OR2L3: variants seen among roughly 807,000 people sequenced by gnomAD.
OR2L3 encodes olfactory receptor family 2 subfamily L member 3, also known as olfactory receptor 2L3.
For missense variants in OR2L3, 369 were observed against 376.6 expected (o/e 0.98, Z 0.17); for synonymous variants, 131 against 139.1 (o/e 0.94, Z 0.41).
intron 1 of OR2L3, among the ~76,000 whole-genome samples, chr1:248,058,165 G>A (rs1275049157): frequency 1.3e-5 from 2 of 152,104 alleles, no homozygotes; most frequent in Non-Finnish European, 1.5e-5. Context: ...CATAGACATG[G>A]TCTCAGCAGA....
At chr1:248,059,891 T>A (rs988370533) in intron 1 of OR2L3, among the ~76,000 whole-genome samples, 4 of 151,892 alleles carry the variant, frequency 2.6e-5, no homozygotes, top group Non-Finnish European at 4.4e-5. Flanking sequence ...AAATAGAAAG[T>A]TAACTAGGTA....
Position 248,060,742 on chromosome 1 carries a change from A to G in OR2L3, c.61A>G (p.Arg21Gly). The change falls in exon 2 of 2, where the codon AGA (arginine) becomes GGA (glycine). Residue 21 changes from arginine (R) to glycine (G), a missense_variant. Transcript: ENST00000359959. Reference protein sequence around the residue: ...FILLGFFPPSRIGLFLFILIV... With the variant: ...FILLGFFPPSGIGLFLFILIV... The stretch of plus-strand genomic sequence containing the variant: ...CTTATTAGGATTCTTCCCACCATCA[A>G]GAATTGGCCTTTTCCTCTTCATCCT... 6.2e-7 allele frequency: 1 copy of G among 1,614,124 alleles called. No individual in the cohort carries two copies. The highest frequency in any genetic ancestry group is 8.5e-7 in the Non-Finnish European group (1 of 1,179,988).
chr1:248,060,241 C>T (rs1663579606), intron 1 of OR2L3, among the ~76,000 whole-genome samples: 1 of 152,092 alleles, frequency 6.6e-6, no homozygotes. Context: ...ATAGAGATAT[C>T]TTTCTTATAA....
intron 1 of OR2L3, among the ~76,000 whole-genome samples, chr1:248,056,505 C>T (rs1394024482): frequency 6.6e-6 from 1 of 151,944 alleles, no homozygotes; most frequent in Non-Finnish European, 1.5e-5. Flanking sequence ...AATAAATGTC[C>T]CTCTTAACAC....
chr1:248,058,738 A>T (rs1431843320), intron 1 of OR2L3, among the ~76,000 whole-genome samples: 1 of 151,954 alleles, frequency 6.6e-6, no homozygotes, highest in East Asian at 1.9e-4. Flanking sequence ...TTCAGAGAAA[A>T]TTTTTAAAGA....
rs1307494608 is a variant in OR2L3, at chr1:248,061,905, GA to G, written c.*288del. The G allele has an allele frequency of 7.9e-6, 2 of 254,614 alleles. No homozygotes were observed. Among genetic ancestry groups the G allele is most frequent in the Non-Finnish European group, 1.5e-5 (2 of 133,358 alleles). The allele number at this position is 254,614 out of a possible 1,614,324, so 15.8% of individuals were successfully genotyped here. On this transcript the variant is annotated 3_prime_UTR_variant, in exon 2 of 2. Coordinates refer to ENST00000359959, the MANE Select transcript of OR2L3 (RefSeq NM_001004687.2). The stretch of plus-strand genomic sequence containing the variant: ...TTTTTGGTCATGCAGAAATAGAAAT[GA>G]AATTGGTCTAACTGAAGTTGGCACT...
chr1:248,047,869 C>G (rs1189503686), intron 1 of OR2L3, among the ~76,000 whole-genome samples: 2 of 152,056 alleles, frequency 1.3e-5, no homozygotes, highest in African/African-American at 4.8e-5. Context: ...AGTGATACAC[C>G]CAGTCAAGTA....
rs1301718259 is a variant in OR2L3, at chr1:248,062,855, T to C, written c.*1235T>C. 7 of 152,212 alleles carry C rather than the reference T, an allele frequency of 4.6e-5. No individual in the cohort carries two copies. Among genetic ancestry groups the C allele is most frequent in the African/African-American group, 1.7e-4 (7 of 41,458 alleles). 9.4% of individuals were successfully genotyped at this position (152,212 alleles called of 1,614,324 possible). ...AAGCATCACATACACTCCGCAATTA[T>C]ATATTACTATTATGTATCCATAGTA... On this transcript the variant is annotated 3_prime_UTR_variant, in exon 2 of 2. Coordinates refer to ENST00000359959, the MANE Select transcript of OR2L3 (RefSeq NM_001004687.2).
intron 1 of OR2L3, among the ~76,000 whole-genome samples, chr1:248,059,134 A>G (rs1191960785): frequency 6.6e-6 from 1 of 152,096 alleles, no homozygotes. Context: ...GAGTATGATC[A>G]TGTGTGATTA....
intron 1 of OR2L3, among the ~76,000 whole-genome samples, chr1:248,053,287 T>C (rs1663330768): frequency 6.6e-6 from 1 of 152,218 alleles, no homozygotes; most frequent in Non-Finnish European, 1.5e-5. Flanking sequence ...CATGATCTTA[T>C]TATTTTTTAT....
chr1:248,054,630 G>C (rs1663374508), intron 1 of OR2L3, among the ~76,000 whole-genome samples: 1 of 152,064 alleles, frequency 6.6e-6, no homozygotes, highest in Non-Finnish European at 1.5e-5. Flanking sequence ...ACAATGGTTT[G>C]TAGTTCTCTT....
In OR2L3 at chr1:248,063,102, C is replaced by A. The variant is rs141734351; in HGVS notation, c.*1482C>A. On this transcript the variant is annotated 3_prime_UTR_variant, in exon 2 of 2. Transcript: ENST00000359959. ...GGTTCTTTAATAGTTCCATACAAAT[C>A]TTAAATAATGGTTTTTACTATTTAT... The A allele has an allele frequency of 6.6e-6, 1 of 152,154 alleles. No individual in the cohort carries two copies. The highest frequency in any genetic ancestry group is 2.4e-5 in the African/African-American group (1 of 41,432). The allele number at this position is 152,154 out of a possible 1,614,324, so 9.4% of individuals were successfully genotyped here. A position where few individuals can be genotyped will look rare whatever the true frequency, so the allele number is the denominator to read the frequency against.
chr1:248,049,863 G>A (rs61856399), intron 1 of OR2L3, among the ~76,000 whole-genome samples: 23,977 of 151,856 alleles, frequency 0.16, 2,119 homozygotes, highest in East Asian at 0.32. Flanking sequence ...ATTAATGTAC[G>A]TTTATTTATC....
chr1:248,051,876 C>T (rs1435896027), intron 1 of OR2L3, among the ~76,000 whole-genome samples: 9 of 151,938 alleles, frequency 5.9e-5, no homozygotes, highest in Non-Finnish European at 1.2e-4. Context: ...GCAGATGGTT[C>T]CAGGTTTACA....
intron 1 of OR2L3, among the ~76,000 whole-genome samples, chr1:248,055,107 T>C (rs1053689307): frequency 2.0e-5 from 3 of 152,152 alleles, no homozygotes; most frequent in African/African-American, 7.2e-5. Context: ...TTTTGATGTA[T>C]GTTCCTTAAA....
chr1:248,060,161 A>G (rs535193854), intron 1 of OR2L3, among the ~76,000 whole-genome samples: 2 of 152,366 alleles, frequency 1.3e-5, no homozygotes, highest in African/African-American at 4.8e-5. Context: ...TATGTATTCA[A>G]TATAACATCT....
At chr1:248,057,159 A>G (rs938700206) in intron 1 of OR2L3, among the ~76,000 whole-genome samples, 1 of 152,162 alleles carries the variant, frequency 6.6e-6, no homozygotes, top group Non-Finnish European at 1.5e-5. Flanking sequence ...TCAGGTCCAC[A>G]TGATCTAGAG....
Position 248,061,323 on chromosome 1 carries a change from A to G in OR2L3, c.642A>G (p.Ser214=), listed in dbSNP as rs367835401. Residue 214 remains serine, a synonymous_variant, in exon 2 of 2, where the codon TCA becomes TCG. Coordinates refer to ENST00000359959, the MANE Select transcript of OR2L3 (RefSeq NM_001004687.2). ...IFLVFPFIAI[S]CSYGRVLLAV... ...TCGTGTTTCCCTTCATTGCTATTTC[A>G]TGTTCCTATGGCCGGGTTCTCCTTG... 8.1e-6 allele frequency: 13 copies of G among 1,613,498 alleles called. No homozygotes were observed. Among genetic ancestry groups the G allele is most frequent in the Non-Finnish European group, 1.1e-5 (13 of 1,179,940 alleles).
intron 1 of OR2L3, among the ~76,000 whole-genome samples, chr1:248,059,468 G>T (rs1270440725): frequency 6.6e-6 from 1 of 152,142 alleles, no homozygotes; most frequent in African/African-American, 2.4e-5. Flanking sequence ...AAGACAAAAT[G>T]TGTAACCTAT....
Sources: allele counts gnomAD v4.1 joint callset (sites outside exome capture counted in the v4.1 genomes callset), GRCh38; gene constraint gnomAD v4.1.1; transcripts MANE v1.5; gene names NCBI Gene and HGNC (gene_info 2026-07-23, HGNC 2026-07-21).